IRF4: variants seen among roughly 807,000 people sequenced by gnomAD.
IRF4 encodes lymphocyte-specific interferon regulatory factor.
IRF4 carries 13 observed loss-of-function variants against 55.5 expected under a neutral mutation model. That is an observed-to-expected ratio of 0.23 (90% CI 0.15 to 0.37). The LOEUF (loss-of-function observed/expected upper bound fraction) is 0.37. Among genes scored for constraint, IRF4 ranks in the 10% least tolerant of loss-of-function variants. The pLI is 1.00. For missense variants in IRF4, 397 were observed against 593.8 expected, an observed-to-expected ratio of 0.67 and a Z score of 3.44; for synonymous variants, 249 against 240.7, an observed-to-expected ratio of 1.03 and a Z score of -0.32.
intron 1 of IRF4, among the ~76,000 whole-genome samples, chr6:392,374 G>A (rs1581219889): frequency 6.6e-6 from 1 of 152,258 alleles, no homozygotes; most frequent in Admixed American, 6.5e-5. Flanking sequence ...AGGCTCCGCA[G>A]CTGTCGTCGC....
Position 408,959 on chromosome 6 carries a change from T to G in IRF4, c.*1361T>G, listed in dbSNP as rs2127443678. 8.8e-6 allele frequency: 2 copies of G among 228,256 alleles called. 1 individual carries two copies. Among genetic ancestry groups the G allele is most frequent in the South Asian group, 3.6e-4 (2 of 5,504 alleles). The allele number at this position is 228,256 out of a possible 1,614,324, so 14.1% of individuals were successfully genotyped here. ...TAGAATCCCAAAGACCTCCACTTGC[T>G]TAAGTATACCTATCACTTACATTTT... On this transcript the variant is annotated 3_prime_UTR_variant, in exon 9 of 9. Transcript: ENST00000380956.
intron 6 of IRF4, among the ~76,000 whole-genome samples, chr6:401,066 T>A (rs1380400820): frequency 6.6e-6 from 1 of 152,246 alleles, no homozygotes; most frequent in African/African-American, 2.4e-5. Context: ...TTAATAGTGA[T>A]GCTCTATAAT....
chr6:399,355 C>G (rs959006090), intron 6 of IRF4, among the ~76,000 whole-genome samples: 1 of 152,166 alleles, frequency 6.6e-6, no homozygotes, highest in African/African-American at 2.4e-5. Flanking sequence ...AAGTCCTCCT[C>G]CTCTACTCCC....
At chr6:402,136 T>C (rs1178931851) in intron 7 of IRF4, among the ~76,000 whole-genome samples, 1 of 152,186 alleles carries the variant, frequency 6.6e-6, no homozygotes, top group African/African-American at 2.4e-5. Flanking sequence ...TGGAAGCATA[T>C]TGTTAACATT....
At chr6:400,524 A>G (rs931756290) in intron 6 of IRF4, among the ~76,000 whole-genome samples, 5 of 152,252 alleles carry the variant, frequency 3.3e-5, no homozygotes, top group Non-Finnish European at 5.9e-5. Context: ...CAGACTTTAC[A>G]TGAACTTTTA....
intron 6 of IRF4, 29 bp from the exon 7 acceptor site, chr6:401,395 G>T: frequency 6.4e-7 from 1 of 1,572,052 alleles, no homozygotes. Flanking sequence ...TTGGCCCCCA[G>T]CACTGACTCC....
chr6:393,433 C>T lies in IRF4; in HGVS notation c.216+65C>T. On this transcript the variant is annotated intron_variant, in intron 2 of 8. Coordinates refer to ENST00000380956, the MANE Select transcript of IRF4 (RefSeq NM_002460.4). The surrounding 1 kb of genome is among the most constrained non-coding windows in gnomAD (Gnocchi z 5.4). Reference sequence around the variant, plus strand: ...GGCCCAGAGACAGAGCCCGGGGTCCCCGGCGCCGCCTCCGAGGCGAGCCCA... The same window carrying T: ...GGCCCAGAGACAGAGCCCGGGGTCCTCGGCGCCGCCTCCGAGGCGAGCCCA... 4 of 1,187,154 alleles carry T rather than the reference C, an allele frequency of 3.4e-6. No homozygotes were observed. The highest frequency in any genetic ancestry group is 4.5e-6 in the Non-Finnish European group (4 of 897,416). 73.5% of individuals were successfully genotyped at this position (1,187,154 alleles called of 1,614,324 possible).
rs566596464 is a variant in IRF4 at position 398,825 on chromosome 6, C to T, written c.638-3C>T. ...ATCATCTGATTTTTATTTGCAAATG[C>T]AGGTTGCCAGGTGACAGGAACCTTT... On this transcript the variant is annotated splice_polypyrimidine_tract_variant and splice_region_variant and intron_variant, in intron 5 of 8. Coordinates refer to ENST00000380956, the MANE Select transcript of IRF4 (RefSeq NM_002460.4). 4 of 1,609,386 alleles carry T rather than the reference C, an allele frequency of 2.5e-6. No individual in the cohort carries two copies. In the South Asian group the frequency reaches 4.4e-5, roughly 18 times the overall value.
In IRF4 at chr6:393,721, C is replaced by G. The variant is rs1010650594; in HGVS notation, c.216+353C>G. Among the ~76,000 whole-genome samples, 3 of 152,170 alleles carry G rather than the reference C, an allele frequency of 2.0e-5. No homozygotes were observed. Among genetic ancestry groups the G allele is most frequent in the African/African-American group, 7.2e-5 (3 of 41,448 alleles). On this transcript the variant is annotated intron_variant, in intron 2 of 8. Coordinates refer to ENST00000380956, the MANE Select transcript of IRF4 (RefSeq NM_002460.4). The surrounding 1 kb of genome is among the most constrained non-coding windows in gnomAD (Gnocchi z 5.4). The stretch of plus-strand genomic sequence containing the variant: ...TCCCGCCCTTCCTCCGGGCTCCCGT[C>G]TGCCGCCTCCGTCCGTGGGTCCCCC...
rs1393329269 is a variant in IRF4 at position 409,414 on chromosome 6, C to T, written c.*1816C>T. 4.9e-6 allele frequency: 1 copy of T among 203,042 alleles called. No homozygotes were observed. Among genetic ancestry groups the T allele is most frequent in the East Asian group, 7.4e-5 (1 of 13,514 alleles). The allele number at this position is 203,042 out of a possible 1,614,324, so 12.6% of individuals were successfully genotyped here. A position where few individuals can be genotyped will look rare whatever the true frequency, so the allele number is the denominator to read the frequency against. The stretch of plus-strand genomic sequence containing the variant: ...AGAAGGGGTGTTTATTCTTCCAACA[C>T]ATTTCACTTTTCTGTAAATATACAT... On this transcript the variant is annotated 3_prime_UTR_variant, in exon 9 of 9. Transcript: ENST00000380956.
chr6:406,884 G>T (rs1285013900), intron 8 of IRF4: 38 of 1,075,952 alleles, frequency 3.5e-5, no homozygotes, highest in Non-Finnish European at 4.1e-5. Flanking sequence ...GAACATTAAG[G>T]CGTTTTTGTT....
At chr6:402,518 TC>T (rs2127440736) in intron 7 of IRF4, among the ~76,000 whole-genome samples, 1 of 152,320 alleles carries the variant, frequency 6.6e-6, no homozygotes, top group South Asian at 2.1e-4. Flanking sequence ...TCCTGTCCCT[TC>T]CTGAGCCCCT....
At chr6:406,490 C>G (rs568352276) in intron 8 of IRF4, among the ~76,000 whole-genome samples, 1 of 151,694 alleles carries the variant, frequency 6.6e-6, no homozygotes, top group Non-Finnish European at 1.5e-5. Flanking sequence ...TGCAGTGAGC[C>G]GAGATTGCAC....
intron 2 of IRF4, among the ~76,000 whole-genome samples, chr6:394,238 C>G (rs1761197775): frequency 6.6e-6 from 1 of 152,218 alleles, no homozygotes; most frequent in Non-Finnish European, 1.5e-5. Flanking sequence ...GGCAAGCTCA[C>G]TCAGACACTG....
At chr6:402,974 C>G (rs1441683129) in intron 7 of IRF4, among the ~76,000 whole-genome samples, 1 of 152,240 alleles carries the variant, frequency 6.6e-6, no homozygotes, top group Admixed American at 6.5e-5. Flanking sequence ...GCGGAGGTTG[C>G]AGTGAGCTGA....
intron 7 of IRF4, among the ~76,000 whole-genome samples, chr6:403,067 C>CAG (rs1356006862): frequency 6.6e-6 from 1 of 152,246 alleles, no homozygotes; most frequent in Non-Finnish European, 1.5e-5. Flanking sequence ...TAAGCTCACA[C>CAG]AGAGGCTGAC....
At position 401,638 on chromosome 6, in the gene IRF4, C is replaced by A; in HGVS notation, c.960C>A (p.Ala320=). 6.2e-7 allele frequency: 1 copy of A among 1,614,172 alleles called. No homozygotes were observed. Among genetic ancestry groups the A allele is most frequent in the Non-Finnish European group, 8.5e-7 (1 of 1,180,044 alleles). The change falls in exon 7 of 9, where the codon GCC becomes GCA. Residue 320 remains alanine (A), a synonymous_variant. Coordinates refer to ENST00000380956, the MANE Select transcript of IRF4 (RefSeq NM_002460.4). ...AGAGGGGCGTGGTCCTCTGGATGGC[C>A]CCCGACGGGCTCTATGCGAAAAGAC... ...HLERGVVLWM[A]PDGLYAKRLC... is the part of the protein sequence containing the mutation.
chr6:400,425 G>A (rs1006949737), intron 6 of IRF4, among the ~76,000 whole-genome samples: 1 of 152,172 alleles, frequency 6.6e-6, no homozygotes, highest in African/African-American at 2.4e-5. Flanking sequence ...CAAAACGTTT[G>A]TAAATGGATT....
At chr6:392,751 G>A (rs1761140351) in intron 1 of IRF4, among the ~76,000 whole-genome samples, 1 of 152,240 alleles carries the variant, frequency 6.6e-6, no homozygotes, top group Admixed American at 6.5e-5. Flanking sequence ...GCGAGTGAGT[G>A]CGGAAGGAGG....
Sources: allele counts gnomAD v4.1 joint callset (sites outside exome capture counted in the v4.1 genomes callset), GRCh38; gene constraint gnomAD v4.1.1; non-coding constraint Gnocchi (gnomAD v3.1); transcripts MANE v1.5; gene names NCBI Gene and HGNC (gene_info 2026-07-23, HGNC 2026-07-21).